The following ACTL6B variants were observed in gnomAD, a reference collection of about 807,000 sequenced individuals.
ACTL6B encodes the protein actin-like protein 6B.
ACTL6B carries 48 observed loss-of-function variants against 63.3 expected under a neutral mutation model. The ratio of observed to expected loss-of-function variants is 0.76; its 90% CI spans 0.60 to 0.96. The LOEUF is 0.96. Ranked by LOEUF, ACTL6B falls within the 50% of genes least tolerant of loss-of-function variation. ACTL6B has a pLI of 0.00. For synonymous variants in ACTL6B, 230 were observed against 223.8 expected (o/e 1.03, Z -0.25); for missense variants, 350 against 572.2 (o/e 0.61, Z 3.96).
chr7:100,652,999 C>CAAAAAAAAAAAAAAA (rs58707737), intron 4 of ACTL6B, among the ~76,000 whole-genome samples: 7 of 25,946 alleles, frequency 2.7e-4, no homozygotes, highest in Non-Finnish European at 3.7e-4. Context: ...AACTCCGTCT[C>CAAAAAAAAAAAAAAA]AAAAAAAAAA....
chr7:100,649,305 C>G (rs1016691361), intron 5 of ACTL6B, among the ~76,000 whole-genome samples: 7 of 149,122 alleles, frequency 4.7e-5, no homozygotes, highest in Non-Finnish European at 8.9e-5. Context: ...CCAGTTACTT[C>G]TTTAGTTATT....
intron 13 of ACTL6B, among the ~76,000 whole-genome samples, chr7:100,645,148 T>A (rs1218658366): frequency 2.0e-5 from 3 of 152,170 alleles, no homozygotes; most frequent in Non-Finnish European, 4.4e-5. Context: ...GCCTCTGTCT[T>A]TCTGACCCTG....
intron 13 of ACTL6B, among the ~76,000 whole-genome samples, chr7:100,643,549 A>G (rs373440103): frequency 5.3e-5 from 8 of 152,186 alleles, no homozygotes; most frequent in African/African-American, 1.4e-4. Flanking sequence ...CATTCATTCA[A>G]CAAGTATTAT....
At chr7:100,654,274 A>G (rs1803996524) in intron 4 of ACTL6B, among the ~76,000 whole-genome samples, 1 of 150,976 alleles carries the variant, frequency 6.6e-6, no homozygotes, top group South Asian at 2.1e-4. Flanking sequence ...ACCCGGCAAA[A>G]AATTTTTAAT....
chr7:100,655,073 G>C lies in ACTL6B; in HGVS notation c.315C>G (p.Ser105Arg). Residue 105 changes from serine to arginine, a missense_variant, in exon 4 of 14, where the codon AGC (serine) becomes AGG (arginine). Coordinates refer to ENST00000160382, the MANE Select transcript of ACTL6B (RefSeq NM_016188.5). The surrounding 1 kb of genome is among the most constrained non-coding windows in gnomAD (Gnocchi z 4.4). Reference protein sequence around the residue: ...CFRAILDHTYSKHVKSEPNLH... With the variant: ...CFRAILDHTYRKHVKSEPNLH... The stretch of plus-strand genomic sequence containing the variant: ...GGTTTGGCTCAGACTTGACGTGTTT[G>C]CTGTAGGTGTGATCCAGGATGGCTC... 1 of 1,614,122 alleles carries C rather than the reference G, an allele frequency of 6.2e-7. No individual in the cohort carries two copies. The highest frequency in any genetic ancestry group is 8.5e-7 in the Non-Finnish European group (1 of 1,180,024).
At chr7:100,645,189 C>T (rs112740077) in intron 13 of ACTL6B, among the ~76,000 whole-genome samples, 2 of 152,286 alleles carry the variant, frequency 1.3e-5, no homozygotes, top group African/African-American at 2.4e-5. Context: ...CTTCCTTTCT[C>T]GTGGATGTCC....
chr7:100,650,685 TTAAAG>T (rs781071735), intron 4 of ACTL6B, among the ~76,000 whole-genome samples: 51 of 151,440 alleles, frequency 3.4e-4, no homozygotes, highest in Non-Finnish European at 6.3e-4. Flanking sequence ...AAAAAAAAAT[TTAAAG>T]TAAGGAGCTT....
rs2231178 is a variant in ACTL6B at position 100,643,425 on chromosome 7, C to T, written c.1201-99G>A. On this transcript the variant is annotated intron_variant, in intron 13 of 13. Transcript: ENST00000160382. ...GAATCCTCCAACAGGCCCCAACCAC[C>T]CCTTGGGTTCACATCCCTCTGAAGC... 7,136 of 1,258,892 alleles carry T rather than the reference C, an allele frequency of 5.7e-3. 41 individuals are homozygous for T. The highest frequency in any genetic ancestry group is 6.4e-3 in the Middle Eastern group (24 of 3,744). The allele number at this position is 1,258,892 out of a possible 1,614,324, so 78.0% of individuals were successfully genotyped here. A position where few individuals can be genotyped will look rare whatever the true frequency, so the allele number is the denominator to read the frequency against.
rs559967490 is a variant in ACTL6B at position 100,649,827 on chromosome 7, A to G, written c.467+211T>C. ...CTGTCTGCTCAGCCTGATCCGGGGA[A>G]CCGAAAGGGGCCGCTGATCTGGCCA... On this transcript the variant is annotated intron_variant, in intron 5 of 13. Coordinates refer to ENST00000160382, the MANE Select transcript of ACTL6B (RefSeq NM_016188.5). The G allele has an allele frequency of 1.5e-4, 77 of 509,834 alleles. 1 individual carries two copies. Among genetic ancestry groups the G allele is most frequent in the Middle Eastern group, 5.5e-4 (1 of 1,834 alleles). The allele number at this position is 509,834 out of a possible 1,614,324, so 31.6% of individuals were successfully genotyped here. A position where few individuals can be genotyped will look rare whatever the true frequency, so the allele number is the denominator to read the frequency against.
At chr7:100,656,192 G>T in intron 1 of ACTL6B, 138 bp downstream of exon 1, 1 of 1,066,724 alleles carries the variant, frequency 9.4e-7, no homozygotes, top group Non-Finnish European at 1.2e-6. Flanking sequence ...CCGAGCGCAG[G>T]GGTGGCGGGA....
At position 100,643,159 on chromosome 7, in the gene ACTL6B, G is replaced by T; in HGVS notation, c.*87C>A. ...GAAACATCACCATTAATGAGGACAA[G>T]AGGGAAAGGAGGAGGGGGGCAATGT... On this transcript the variant is annotated 3_prime_UTR_variant, in exon 14 of 14. Transcript: ENST00000160382. The T allele has an allele frequency of 1.6e-6, 2 of 1,267,730 alleles. No homozygotes were observed. Among genetic ancestry groups the T allele is most frequent in the South Asian group, 1.2e-5 (1 of 83,184 alleles). The allele number at this position is 1,267,730 out of a possible 1,614,324, so 78.5% of individuals were successfully genotyped here.
intron 13 of ACTL6B, among the ~76,000 whole-genome samples, chr7:100,643,719 G>C (rs532086686): frequency 6.6e-6 from 1 of 151,848 alleles, no homozygotes; most frequent in South Asian, 2.1e-4. Context: ...CAGGGCTTTG[G>C]AACACCGCCA....
Position 100,655,405 on chromosome 7 carries a change from G to A in ACTL6B, c.268+16C>T, listed in dbSNP as rs372122664. 1.9e-6 allele frequency: 3 copies of A among 1,611,920 alleles called. No individual in the cohort carries two copies. The highest frequency in any genetic ancestry group is 1.7e-5 in the Admixed American group (1 of 59,762). Reference sequence around the variant, plus strand: ...GCTCCTTTTCTGTCAGGAGGTGATGGGTGGGGGCCCCTTACTCATGCCATT... The same window carrying A: ...GCTCCTTTTCTGTCAGGAGGTGATGAGTGGGGGCCCCTTACTCATGCCATT... On this transcript the variant is annotated intron_variant, in intron 3 of 13. Transcript: ENST00000160382. The surrounding 1 kb of genome is among the most constrained non-coding windows in gnomAD (Gnocchi z 4.4).
chr7:100,646,908 C>G lies in ACTL6B; in HGVS notation c.936+63G>C. ...CCCCTGCAATCCTTCCCAGCCTCCC[C>G]CACGCCCCAGGATCCAGGGACTGCA... On this transcript the variant is annotated intron_variant, in intron 10 of 13. Transcript: ENST00000160382. This position sits in a 1 kb window ranked among gnomAD's most constrained non-coding sequence, Gnocchi z 6.1. 1 of 1,602,566 alleles carries G rather than the reference C, an allele frequency of 6.2e-7. No homozygotes were observed. The highest frequency in any genetic ancestry group is 8.5e-7 in the Non-Finnish European group (1 of 1,171,568).
chr7:100,643,175 G>A lies in ACTL6B; in HGVS notation c.*71C>T. 1.5e-6 allele frequency: 2 copies of A among 1,355,360 alleles called. No individual in the cohort carries two copies. The highest frequency in any genetic ancestry group is 2.1e-6 in the Non-Finnish European group (2 of 947,754). 84.0% of individuals were successfully genotyped at this position (1,355,360 alleles called of 1,614,324 possible). A position where few individuals can be genotyped will look rare whatever the true frequency, so the allele number is the denominator to read the frequency against. On this transcript the variant is annotated 3_prime_UTR_variant, in exon 14 of 14. Coordinates refer to ENST00000160382, the MANE Select transcript of ACTL6B (RefSeq NM_016188.5). Reference sequence around the variant, plus strand: ...TGAGGACAAGAGGGAAAGGAGGAGGGGGGCAATGTGGCATGGGGGTTAAGG... The same window carrying A: ...TGAGGACAAGAGGGAAAGGAGGAGGAGGGCAATGTGGCATGGGGGTTAAGG...
rs943366467 is a variant in ACTL6B at position 100,647,137 on chromosome 7, C to T, written c.822-52G>A. On this transcript the variant is annotated intron_variant, in intron 9 of 13. Coordinates refer to ENST00000160382, the MANE Select transcript of ACTL6B (RefSeq NM_016188.5). This position sits in a 1 kb window ranked among gnomAD's most constrained non-coding sequence, Gnocchi z 4.4. ...CTGGGGTGCTCAAGAAGGATCAGTG[C>T]GTGGGCAGCACCAGAGCCCCCCAGC... 32 of 1,610,098 alleles carry T rather than the reference C, an allele frequency of 2.0e-5. No homozygotes were observed. The highest frequency in any genetic ancestry group is 2.7e-5 in the African/African-American group (2 of 74,790).
chr7:100,650,333 CACAT>C (rs772530543), intron 4 of ACTL6B, among the ~76,000 whole-genome samples, 198 bp from the exon 5 acceptor site: 1 of 151,570 alleles, frequency 6.6e-6, no homozygotes, highest in Non-Finnish European at 1.5e-5. Flanking sequence ...CACACACACA[CACAT>C]ACACTCAAAC....
Position 100,655,147 on chromosome 7 carries a change from A to G in ACTL6B, c.269-28T>C, listed in dbSNP as rs765865934. The G allele has an allele frequency of 1.3e-6, 2 of 1,583,382 alleles. No homozygotes were observed. The highest frequency in any genetic ancestry group is 2.7e-5 in the African/African-American group (2 of 74,208). On this transcript the variant is annotated intron_variant, in intron 3 of 13. Coordinates refer to ENST00000160382, the MANE Select transcript of ACTL6B (RefSeq NM_016188.5). The surrounding 1 kb of genome is among the most constrained non-coding windows in gnomAD (Gnocchi z 4.4). ...GGGGCCAGAAGAGCAGCGTGCAGAG[A>G]CGCAAGAAGGCAGGCAGGGGACAGG...
intron 4 of ACTL6B, among the ~76,000 whole-genome samples, chr7:100,651,550 C>CA (rs879628241): frequency 3.0e-3 from 343 of 113,762 alleles, no homozygotes; most frequent in South Asian, 0.013. Context: ...CACTTCATCT[C>CA]AAAAAAAAAA....
Sources: allele counts gnomAD v4.1 joint callset (sites outside exome capture counted in the v4.1 genomes callset), GRCh38; gene constraint gnomAD v4.1.1; non-coding constraint Gnocchi (gnomAD v3.1); transcripts MANE v1.5; gene names NCBI Gene and HGNC (gene_info 2026-07-23, HGNC 2026-07-21).